The following BIN3 variants were observed in gnomAD, a reference collection of about 807,000 sequenced individuals.
BIN3 encodes bridging integrator 3.
BIN3 carries 41 observed loss-of-function variants against 38.2 expected under a neutral mutation model. That is an observed-to-expected ratio of 1.07 (90% confidence interval 0.84 to 1.39). The LOEUF is 1.39. Among genes scored for constraint, BIN3 ranks in the 40% most tolerant of loss-of-function variants. BIN3 has a pLI of 0.00. For synonymous variants in BIN3, 145 were observed against 122.6 expected, an observed-to-expected ratio of 1.18 and a Z score of -1.21; for missense variants, 361 against 324.3, an observed-to-expected ratio of 1.11 and a Z score of -0.87.
intron 1 of BIN3, 36 bp downstream of exon 1, chr8:22,669,008 G>A (rs1803519079): frequency 2.6e-6 from 4 of 1,567,022 alleles, no homozygotes; most frequent in Non-Finnish European, 2.6e-6. Context: ...GCGGGTCCGC[G>A]GGTCCAGCAG....
rs745379678 is a variant in BIN3 at position 22,669,064 on chromosome 8, GCGT to G, written c.-16_-14del. ...CTCACCAGCTCATGGTCCCGAACCT[GCGT>G]CTGCCGCCGGGGTCCTCAGCCACAA... On this transcript the variant is annotated 5_prime_UTR_variant, in exon 1 of 9. Coordinates refer to ENST00000276416, the MANE Select transcript of BIN3 (RefSeq NM_018688.6). The G allele has an allele frequency of 8.8e-6, 14 of 1,591,684 alleles. No individual in the cohort carries two copies. The highest frequency in any genetic ancestry group is 1.2e-5 in the Non-Finnish European group (14 of 1,169,572).
In BIN3 at chr8:22,621,390, C is replaced by T. The variant is rs201299945; in HGVS notation, c.*32G>A. 3.1e-5 allele frequency: 49 copies of T among 1,599,874 alleles called. 1 individual carries two copies. The South Asian group carries it at 3.3e-4, about 11-fold the overall frequency. On this transcript the variant is annotated 3_prime_UTR_variant, in exon 9 of 9. Transcript: ENST00000276416. ...GGGCAAGGATGAATGAGGCTGACCA[C>T]GTCACAGGAGTCCTCCAAGAGTGAC... is the stretch of plus-strand genomic sequence containing the variant.
chr8:22,630,111 G>GGTGCT, intron 5 of BIN3, 107 bp from the exon 6 acceptor site: 1 of 1,228,474 alleles, frequency 8.1e-7, no homozygotes, highest in Non-Finnish European at 1.2e-6. Context: ...AGGGCCACAG[G>GGTGCT]GTGCTGTCCT....
intron 1 of BIN3, among the ~76,000 whole-genome samples, chr8:22,668,171 G>T (rs77464978): frequency 0.014 from 2,189 of 152,270 alleles, 53 homozygotes; most frequent in East Asian, 0.12. Context: ...CTGCATATGA[G>T]TATTCTCTAA....
chr8:22,654,847 G>A (rs866869692), intron 1 of BIN3, among the ~76,000 whole-genome samples: 2 of 152,168 alleles, frequency 1.3e-5, no homozygotes, highest in Non-Finnish European at 1.5e-5. Context: ...ATATCTAGGA[G>A]CAAAACTGCT....
intron 2 of BIN3, among the ~76,000 whole-genome samples, chr8:22,640,737 G>C (rs538108903): frequency 6.6e-6 from 1 of 152,208 alleles, no homozygotes; most frequent in South Asian, 2.1e-4. Flanking sequence ...ATGTGTGTGG[G>C]ATGTCAGACA....
chr8:22,643,330 C>T (rs1802620565), intron 2 of BIN3, among the ~76,000 whole-genome samples: 1 of 138,746 alleles, frequency 7.2e-6, no homozygotes, highest in Non-Finnish European at 1.7e-5. Flanking sequence ...AGGCCCCACC[C>T]CCCAACTTTT....
chr8:22,645,165 C>CAA (rs61368703), intron 1 of BIN3, among the ~76,000 whole-genome samples: 1 of 120,344 alleles, frequency 8.3e-6, no homozygotes, highest in Non-Finnish European at 1.8e-5. Flanking sequence ...ACCCTATCTC[C>CAA]AAAAAAAAAA....
At chr8:22,627,473 C>T (rs62492658) in intron 6 of BIN3, among the ~76,000 whole-genome samples, 9,611 of 152,268 alleles carry the variant, frequency 0.063, 417 homozygotes, top group Non-Finnish European at 0.1. Context: ...GGTCAGGGCT[C>T]AGGCTGCTGG....
At chr8:22,634,331 G>C in intron 4 of BIN3, 1 of 369,194 alleles carries the variant, frequency 2.7e-6, no homozygotes, top group African/African-American at 2.1e-5. Flanking sequence ...ACCAGCCCAC[G>C]GCCCAGGAAT....
intron 5 of BIN3, 21 bp from the exon 6 acceptor site, chr8:22,630,025 G>C (rs1395245590): frequency 6.2e-7 from 1 of 1,604,510 alleles, no homozygotes; most frequent in Non-Finnish European, 8.5e-7. Context: ...AAAACCCAAA[G>C]ACATTAAAAC....
At position 22,630,454 on chromosome 8, in the gene BIN3, G is replaced by A. The variant is rs373245133; in HGVS notation, c.285C>T (p.Phe95=). 6.5e-5 allele frequency: 105 copies of A among 1,613,886 alleles called. No homozygotes were observed. The highest frequency in any genetic ancestry group is 8.5e-5 in the Non-Finnish European group (100 of 1,179,888). The change falls in exon 5 of 9, where the codon TTC becomes TTT. Residue 95 remains phenylalanine, a synonymous_variant. Transcript: ENST00000276416. ...LDTAMKRMDA[F]NQEKVNQIQK... ...AAGACCTAGTCACCTTTTCCTGATT[G>A]AAGGCATCCATCCGCTTCATGGCCG...
chr8:22,636,041 C>T (rs1563957557), intron 4 of BIN3, among the ~76,000 whole-genome samples: 1 of 152,212 alleles, frequency 6.6e-6, no homozygotes, highest in Non-Finnish European at 1.5e-5. Flanking sequence ...TCCCGGTGCC[C>T]TTTGTCATCA....
intron 4 of BIN3, among the ~76,000 whole-genome samples, chr8:22,633,040 T>G (rs1319551222): frequency 6.6e-6 from 1 of 152,152 alleles, no homozygotes; most frequent in Non-Finnish European, 1.5e-5. Flanking sequence ...TTCCTAAAGC[T>G]CTTGCATTGT....
intron 2 of BIN3, among the ~76,000 whole-genome samples, chr8:22,640,690 C>T (rs1412366555): frequency 1.3e-5 from 2 of 152,152 alleles, no homozygotes; most frequent in East Asian, 3.8e-4. Flanking sequence ...TAGCCTTTGG[C>T]TCCCTTCCTC....
intron 1 of BIN3, among the ~76,000 whole-genome samples, chr8:22,665,936 A>G (rs1160556398): frequency 6.6e-6 from 1 of 152,124 alleles, no homozygotes; most frequent in African/African-American, 2.4e-5. Context: ...AGGAATGGCC[A>G]CTCCATGCTA....
At chr8:22,638,233 C>T (rs1489950305) in intron 2 of BIN3, among the ~76,000 whole-genome samples, 2 of 152,160 alleles carry the variant, frequency 1.3e-5, no homozygotes, top group Admixed American at 6.5e-5. Context: ...AATTCTAAGC[C>T]CCTTAACCTT....
At position 22,624,059 on chromosome 8, in the gene BIN3, A is replaced by G; in HGVS notation, c.481-10T>C. ...GCAGCTCCTCTCGTGCCTAGGGAAC[A>G]AGACCTGGGTGTCAAAACTCTCTCA... On this transcript the variant is annotated splice_polypyrimidine_tract_variant and intron_variant, in intron 7 of 8. Transcript: ENST00000276416. 1 of 1,611,474 alleles carries G rather than the reference A, an allele frequency of 6.2e-7. No homozygotes were observed. Among genetic ancestry groups the G allele is most frequent in the Non-Finnish European group, 8.5e-7 (1 of 1,178,498 alleles).
At chr8:22,643,514 G>A (rs1802627375) in intron 2 of BIN3, among the ~76,000 whole-genome samples, 1 of 152,144 alleles carries the variant, frequency 6.6e-6, no homozygotes, top group Admixed American at 6.5e-5. Flanking sequence ...TCTCTTTGTT[G>A]CCCAGGCTGG....
Sources: allele counts gnomAD v4.1 joint callset (sites outside exome capture counted in the v4.1 genomes callset), GRCh38; gene constraint gnomAD v4.1.1; transcripts MANE v1.5; gene names NCBI Gene and HGNC (gene_info 2026-07-23, HGNC 2026-07-21).